Variants in PKIB observed in about 807,000 individuals in gnomAD.
The protein encoded by PKIB is PKI-beta.
PKIB carries 2 observed loss-of-function variants against 4.5 expected under a neutral mutation model. The observed-to-expected ratio is 0.44, with a 90% CI of 0.18 to 1.39. The LOEUF is 1.39. Ranked by LOEUF, PKIB falls within the 40% of genes most tolerant of loss-of-function variation. The pLI is 0.27. For missense variants in PKIB, 94 were observed against 92.6 expected (o/e 1.02, Z -0.06); for synonymous variants, 38 against 36.0 (o/e 1.06, Z -0.20).
At chr6:122,534,376 A>C (rs905341518) in intron 2 of PKIB, among the ~76,000 whole-genome samples, 3 of 151,828 alleles carry the variant, frequency 2.0e-5, no homozygotes, top group East Asian at 1.9e-4. Context: ...GTGAAATTTT[A>C]TGAGGTAAAG....
chr6:122,505,891 G>T (rs181535502), intron 2 of PKIB, among the ~76,000 whole-genome samples: 1 of 151,906 alleles, frequency 6.6e-6, no homozygotes, highest in Non-Finnish European at 1.5e-5. Context: ...GTTAATTGTT[G>T]GTCTGTTTAG....
chr6:122,666,932 G>T (rs1423709366), intron 2 of PKIB, among the ~76,000 whole-genome samples: 1 of 150,864 alleles, frequency 6.6e-6, no homozygotes, highest in Non-Finnish European at 1.5e-5. Context: ...GCTTCCTTAG[G>T]CATCCAATGG....
chr6:122,673,873 T>C (rs1209846466), intron 2 of PKIB, among the ~76,000 whole-genome samples: 2 of 152,178 alleles, frequency 1.3e-5, no homozygotes, highest in Non-Finnish European at 2.9e-5. Flanking sequence ...GACAGATCTA[T>C]ACCAGAGTGT....
At chr6:122,561,557 C>G (rs2114672802) in intron 2 of PKIB, among the ~76,000 whole-genome samples, 1 of 150,876 alleles carries the variant, frequency 6.6e-6, no homozygotes, top group South Asian at 2.1e-4. Flanking sequence ...TTTCTTAGGT[C>G]TATTAGTAAT....
At position 122,643,657 on chromosome 6, in the gene PKIB, T is replaced by G. The variant is rs570944636; in HGVS notation, c.-76+10290T>G. On this transcript the variant is annotated intron_variant, in intron 2 of 4. Transcript: ENST00000368452. Reference sequence around the variant, plus strand: ...GAACACCTAATATTTTTGATTAACTTAATGTCAAACTATTATCCTACCTTG... The same window carrying G: ...GAACACCTAATATTTTTGATTAACTGAATGTCAAACTATTATCCTACCTTG... The G allele has an allele frequency of 2.0e-5, 3 of 152,366 alleles. No homozygotes were observed. In the East Asian group the frequency reaches 5.8e-4, roughly 29 times the overall value. The allele number at this position is 152,366 out of a possible 1,614,324, so 9.4% of individuals were successfully genotyped here.
At chr6:122,569,531 G>A (rs1219135651) in intron 2 of PKIB, among the ~76,000 whole-genome samples, 4 of 152,118 alleles carry the variant, frequency 2.6e-5, no homozygotes, top group Non-Finnish European at 5.9e-5. Flanking sequence ...ACTTGAGAAA[G>A]CCAGCACACT....
chr6:122,560,209 A>G (rs549169953), intron 2 of PKIB, among the ~76,000 whole-genome samples: 12 of 151,644 alleles, frequency 7.9e-5, no homozygotes, highest in Admixed American at 5.9e-4. Context: ...ACACTAAGGT[A>G]TGTCCCTTGT....
chr6:122,660,885 T>A (rs1256082839), intron 2 of PKIB, among the ~76,000 whole-genome samples: 1 of 152,202 alleles, frequency 6.6e-6, no homozygotes, highest in Non-Finnish European at 1.5e-5. Flanking sequence ...CCCACTCATT[T>A]AATAAACCTT....
At chr6:122,568,370 A>G (rs1025877567) in intron 2 of PKIB, among the ~76,000 whole-genome samples, 4 of 152,222 alleles carry the variant, frequency 2.6e-5, no homozygotes, top group Non-Finnish European at 5.9e-5. Context: ...AGCCTACTCC[A>G]TGAGACAGGT....
intron 2 of PKIB, among the ~76,000 whole-genome samples, chr6:122,523,507 A>G (rs1777007587): frequency 6.6e-6 from 1 of 152,130 alleles, no homozygotes; most frequent in Non-Finnish European, 1.5e-5. Flanking sequence ...AATAAGTCTC[A>G]TGAGATCTGA....
chr6:122,578,953 C>T (rs1773627893), intron 2 of PKIB, among the ~76,000 whole-genome samples: 1 of 152,180 alleles, frequency 6.6e-6, no homozygotes, highest in African/African-American at 2.4e-5. Flanking sequence ...TAAAGAAGAA[C>T]ATGTTAGCTT....
At chr6:122,638,426 T>A (rs187488840) in intron 2 of PKIB, among the ~76,000 whole-genome samples, 170 of 152,308 alleles carry the variant, frequency 1.1e-3, no homozygotes, top group Middle Eastern at 3.4e-3. Flanking sequence ...CTAGTCTTTC[T>A]GTTCACATCC....
intron 3 of PKIB, among the ~76,000 whole-genome samples, chr6:122,587,543 G>A (rs1345510700): frequency 3.9e-5 from 6 of 152,194 alleles, no homozygotes; most frequent in African/African-American, 1.4e-4. Context: ...TATATACCCA[G>A]TAATGGGATG....
chr6:122,549,903 C>T (rs977848303), intron 2 of PKIB, among the ~76,000 whole-genome samples: 1 of 146,316 alleles, frequency 6.8e-6, no homozygotes, highest in Non-Finnish European at 1.5e-5. Flanking sequence ...CACACACACA[C>T]ACACACATAT....
rs565990715 is a variant in PKIB at position 122,660,067 on chromosome 6, A to G, written c.-75-15011A>G. Among the ~76,000 whole-genome samples, 8 of 152,334 alleles carry G rather than the reference A, an allele frequency of 5.3e-5. 1 individual carries two copies. The highest frequency in any genetic ancestry group is 1.7e-4 in the African/African-American group (7 of 41,580). ...CTTTACAAATGAGTTAGAAATGTCAAACAAATTTCTGGATAAATGAGAAGG... is the reference window on the plus strand; with the variant it reads ...CTTTACAAATGAGTTAGAAATGTCAGACAAATTTCTGGATAAATGAGAAGG... On this transcript the variant is annotated intron_variant, in intron 2 of 4. Coordinates refer to ENST00000368452, the MANE Select transcript of PKIB (RefSeq NM_181795.3).
chr6:122,571,504 C>T (rs1773366630), intron 2 of PKIB, among the ~76,000 whole-genome samples: 1 of 152,176 alleles, frequency 6.6e-6, no homozygotes, highest in Non-Finnish European at 1.5e-5. Flanking sequence ...GAGACAAAAG[C>T]ATCAGGTAAC....
intron 2 of PKIB, among the ~76,000 whole-genome samples, chr6:122,572,256 A>T (rs906384393): frequency 6.6e-6 from 1 of 152,214 alleles, no homozygotes. Context: ...ACAATCCTAA[A>T]TTTATATGCA....
chr6:122,591,637 T>C (rs1774023440), intron 3 of PKIB, among the ~76,000 whole-genome samples: 1 of 152,192 alleles, frequency 6.6e-6, no homozygotes, highest in African/African-American at 2.4e-5. Flanking sequence ...CATCTTTCAT[T>C]TTGTAGAAAT....
chr6:122,552,151 G>A (rs560262551), intron 2 of PKIB, among the ~76,000 whole-genome samples: 44 of 152,168 alleles, frequency 2.9e-4, no homozygotes, highest in Admixed American at 2.2e-3. Context: ...TTACTAGGTG[G>A]TGTTGGAGAT....
Sources: gnomAD v4.1 joint callset for allele counts (sites outside exome capture counted in the v4.1 genomes callset) on GRCh38, gnomAD v4.1.1 for gene constraint, MANE v1.5 for transcripts, NCBI Gene and HGNC (gene_info 2026-07-23, HGNC 2026-07-21) for gene names.